The following ARHGAP6 variants were observed in gnomAD, a reference collection of about 807,000 sequenced individuals.
The protein encoded by ARHGAP6 is rho GTPase-activating protein 6.
ARHGAP6 carries 16 observed loss-of-function variants against 55.7 expected under a neutral mutation model. The observed-to-expected ratio is 0.29, with a 90% confidence interval of 0.19 to 0.44. The LOEUF is 0.44. Among genes scored for constraint, ARHGAP6 ranks in the 20% least tolerant of loss-of-function variants. The pLI is 1.00. For missense variants in ARHGAP6, 698 were observed against 808.9 expected (o/e 0.86, Z 1.66); for synonymous variants, 382 against 360.9 (o/e 1.06, Z -0.66).
At chrX:11,262,236 TAG>T (rs2047571293) in intron 1 of ARHGAP6, among the ~76,000 whole-genome samples, 1 of 111,284 alleles carries the variant, frequency 9.0e-6, no homozygotes, top group East Asian at 2.8e-4. Context: ...TTGAAAACAA[TAG>T]AGTCTTGATT....
At chrX:11,520,529 T>G (rs1306616078) in intron 1 of ARHGAP6, among the ~76,000 whole-genome samples, 1 of 110,744 alleles carries the variant, frequency 9.0e-6, no homozygotes, top group Non-Finnish European at 1.9e-5. Flanking sequence ...CCATGGTGTA[T>G]ATGTGCCACA....
At chrX:11,580,334 C>G (rs978294335) in intron 1 of ARHGAP6, among the ~76,000 whole-genome samples, 6 of 111,805 alleles carry the variant, frequency 5.4e-5, no homozygotes, top group African/African-American at 2.0e-4. Flanking sequence ...GCTGCCAAGA[C>G]TGTAGGCACA....
chrX:11,234,774 T>C (rs771104776), intron 2 of ARHGAP6, among the ~76,000 whole-genome samples: 1 of 112,742 alleles, frequency 8.9e-6, no homozygotes, highest in African/African-American at 3.2e-5. Flanking sequence ...TATCTATCAT[T>C]GCAAAAATTT....
chrX:11,290,657 T>C (rs1451428668), intron 1 of ARHGAP6, among the ~76,000 whole-genome samples: 2 of 111,459 alleles, frequency 1.8e-5, no homozygotes, highest in Non-Finnish European at 3.8e-5. Context: ...AAAAGAAGGC[T>C]CAAGAGTTGA....
intron 2 of ARHGAP6, among the ~76,000 whole-genome samples, chrX:11,237,997 C>T (rs1262421586): frequency 9.0e-6 from 1 of 111,648 alleles, no homozygotes; most frequent in African/African-American, 3.3e-5. Context: ...ACTGTTGTGA[C>T]CACACACGAT....
chrX:11,172,123 C>A (rs1002121664), intron 8 of ARHGAP6, among the ~76,000 whole-genome samples: 45 of 111,024 alleles, frequency 4.1e-4, no homozygotes, highest in Non-Finnish European at 8.1e-4. Context: ...CTGAACCCCA[C>A]TCTCATCCTG....
chrX:11,164,111 T>C (rs2045985304), intron 9 of ARHGAP6, among the ~76,000 whole-genome samples: 1 of 112,732 alleles, frequency 8.9e-6, no homozygotes, highest in Admixed American at 9.4e-5. Context: ...GCAGTATTAC[T>C]GCTGTTAAAG....
intron 1 of ARHGAP6, among the ~76,000 whole-genome samples, chrX:11,312,023 A>C (rs1321473367): frequency 8.9e-6 from 1 of 112,000 alleles, no homozygotes; most frequent in Non-Finnish European, 1.9e-5. Flanking sequence ...CTTTCTCAAG[A>C]CCTTATGCCA....
At chrX:11,350,880 A>G (rs1268370371) in intron 1 of ARHGAP6, among the ~76,000 whole-genome samples, 4 of 111,287 alleles carry the variant, frequency 3.6e-5, no homozygotes, top group African/African-American at 1.3e-4. Flanking sequence ...CCGGGGGAAA[A>G]AAATCTGTTA....
rs191180072 is a variant in ARHGAP6, at chrX:11,147,202, T to G, written c.1908-2954A>C. On this transcript the variant is annotated intron_variant, in intron 10 of 12. Transcript: ENST00000337414. ...ACATACATATACATGCATCAACATA[T>G]GAACACATACATATACATGCATCAA... 6.2e-5 allele frequency among the ~76,000 whole-genome samples: 7 copies of G among 112,436 alleles called. No homozygotes were observed. The East Asian group carries it at 1.9e-3, about 31-fold the overall frequency.
chrX:11,495,641 C>G (rs1232517380), intron 1 of ARHGAP6, among the ~76,000 whole-genome samples: 1 of 111,024 alleles, frequency 9.0e-6, no homozygotes, highest in Non-Finnish European at 1.9e-5. Flanking sequence ...GGCATGCTGA[C>G]TCTAAGGTGG....
At chrX:11,332,363 T>G (rs1204956863) in intron 1 of ARHGAP6, among the ~76,000 whole-genome samples, 1 of 112,071 alleles carries the variant, frequency 8.9e-6, no homozygotes, top group East Asian at 2.8e-4. Context: ...GCAACTTTTT[T>G]CTTGATGCAA....
chrX:11,139,214 C>A lies in ARHGAP6; in HGVS notation c.2574G>T (p.Gly858=), dbSNP rs754318560. 2.5e-6 allele frequency: 3 copies of A among 1,202,243 alleles called. No individual in the cohort carries two copies. The highest frequency in any genetic ancestry group is 3.4e-6 in the Non-Finnish European group (3 of 891,814). ...DLSESELDVA[G]LQSRATPQCQ... is the part of the protein sequence containing the mutation. The stretch of plus-strand genomic sequence containing the variant: ...ACTGAGGTGTGGCCCGGCTCTGCAG[C>A]CCGGCCACATCCAGCTCACTCTCGC... The change falls in exon 13 of 13, where the codon GGG becomes GGT. Residue 858 remains glycine, a synonymous_variant. Transcript: ENST00000337414.
intron 1 of ARHGAP6, among the ~76,000 whole-genome samples, chrX:11,390,869 C>A (rs1343847292): frequency 8.9e-6 from 1 of 112,039 alleles, no homozygotes; most frequent in Non-Finnish European, 1.9e-5. Flanking sequence ...GTTGGTGGGA[C>A]TGTAAACTAG....
intron 1 of ARHGAP6, among the ~76,000 whole-genome samples, chrX:11,543,563 C>T (rs1013788881): frequency 8.9e-6 from 1 of 112,135 alleles, no homozygotes; most frequent in African/African-American, 3.2e-5. Context: ...TGAGAGACCC[C>T]AGTTTAGACA....
intron 1 of ARHGAP6, among the ~76,000 whole-genome samples, chrX:11,505,741 C>A (rs1420988025): frequency 2.7e-5 from 3 of 111,371 alleles, no homozygotes; most frequent in Non-Finnish European, 3.8e-5. Context: ...AGGTCATGTC[C>A]TTTGCCGGGA....
chrX:11,227,793 C>CT (rs199899751), intron 2 of ARHGAP6, among the ~76,000 whole-genome samples: 1,441 of 108,127 alleles, frequency 0.013, 27 homozygotes, highest in African/African-American at 0.047. Context: ...CTTTCTTTTT[C>CT]TTTTTTCTTT....
At chrX:11,191,283 G>A (rs975148631) in intron 3 of ARHGAP6, among the ~76,000 whole-genome samples, 1 of 111,608 alleles carries the variant, frequency 9.0e-6, no homozygotes, top group Admixed American at 9.5e-5. Context: ...TAGCCTAGGG[G>A]CTCAATTTGT....
chrX:11,419,877 C>T (rs2049797785), intron 1 of ARHGAP6, among the ~76,000 whole-genome samples: 1 of 112,683 alleles, frequency 8.9e-6, no homozygotes, highest in South Asian at 3.6e-4. Flanking sequence ...TCTCTAAAGC[C>T]ACAACTCCAA....
Sources: gnomAD v4.1 joint callset for allele counts (sites outside exome capture counted in the v4.1 genomes callset) on GRCh38, gnomAD v4.1.1 for gene constraint, MANE v1.5 for transcripts, NCBI Gene and HGNC (gene_info 2026-07-23, HGNC 2026-07-21) for gene names.